The following RBFOX1 variants were observed in gnomAD, a reference collection of about 807,000 sequenced individuals.
The protein encoded by RBFOX1 is RNA binding fox-1 homolog 1.
Under a neutral mutation model 57.7 loss-of-function variants are expected in RBFOX1, and 8 were observed. The ratio of observed to expected loss-of-function variants is 0.14; its 90% CI spans 0.08 to 0.25. RBFOX1 has a LOEUF of 0.25. RBFOX1 is among the 10% of genes least tolerant of loss of function. The probability of loss-of-function intolerance (pLI) is 1.00; values close to 1 mark genes in which losing one functional copy is unlikely to be tolerated. For synonymous variants in RBFOX1, 326 were observed against 222.4 expected, an observed-to-expected ratio of 1.47 and a Z score of -4.15; for missense variants, 611 against 548.5, an observed-to-expected ratio of 1.11 and a Z score of -1.14.
At chr16:6,911,709 T>C (rs1313616277) in intron 3 of RBFOX1, among the ~76,000 whole-genome samples, 2 of 152,248 alleles carry the variant, frequency 1.3e-5, no homozygotes, top group Non-Finnish European at 2.9e-5. Flanking sequence ...TTACCTGCTA[T>C]TTAATAACAC....
intron 1 of RBFOX1, among the ~76,000 whole-genome samples, chr16:6,088,507 T>C (rs956673210): frequency 6.8e-6 from 1 of 147,812 alleles, no homozygotes; most frequent in African/African-American, 2.5e-5. Flanking sequence ...CTCCCTTCCT[T>C]CCTCCCCCTT....
At chr16:6,301,120 T>C (rs1389150822) in intron 1 of RBFOX1, among the ~76,000 whole-genome samples, 1 of 152,194 alleles carries the variant, frequency 6.6e-6, no homozygotes, top group Non-Finnish European at 1.5e-5. Context: ...CCTGGAAACT[T>C]TGGAATGTAG....
chr16:5,428,815 A>G (rs1597025995), intron 1 of RBFOX1, among the ~76,000 whole-genome samples: 2 of 151,996 alleles, frequency 1.3e-5, no homozygotes, highest in African/African-American at 4.8e-5. Context: ...TTTTTTGGGG[A>G]CTGTAGCTGA....
chr16:6,943,659 G>C (rs1021373907), intron 3 of RBFOX1, among the ~76,000 whole-genome samples: 1 of 149,494 alleles, frequency 6.7e-6, no homozygotes, highest in Non-Finnish European at 1.5e-5. Context: ...AGTGAGCCAA[G>C]ATTGCGTCAC....
intron 4 of RBFOX1, among the ~76,000 whole-genome samples, chr16:7,281,146 G>T (rs1036676912): frequency 6.6e-6 from 1 of 151,858 alleles, no homozygotes. Context: ...GGGATTACAG[G>T]TGTGTGCCAC....
intron 4 of RBFOX1, among the ~76,000 whole-genome samples, chr16:7,392,129 A>G (rs2098039707): frequency 6.6e-6 from 1 of 152,198 alleles, no homozygotes; most frequent in Non-Finnish European, 1.5e-5. Context: ...CAGATTCTGT[A>G]CACGCTTTTC....
At chr16:6,732,116 T>C (rs960178651) in intron 3 of RBFOX1, among the ~76,000 whole-genome samples, 1 of 152,218 alleles carries the variant, frequency 6.6e-6, no homozygotes, top group South Asian at 2.1e-4. Flanking sequence ...CCTTTGCATC[T>C]GATTCTTCTG....
At chr16:5,966,157 A>C (rs1425901579) in intron 4 of RBFOX1, among the ~76,000 whole-genome samples, 1 of 152,154 alleles carries the variant, frequency 6.6e-6, no homozygotes, top group Non-Finnish European at 1.5e-5. Context: ...TGCTCAATGA[A>C]TTTTCACAAG....
intron 3 of RBFOX1, among the ~76,000 whole-genome samples, chr16:5,713,217 T>C (rs1192658508): frequency 2.0e-5 from 3 of 152,206 alleles, no homozygotes; most frequent in African/African-American, 7.2e-5. Context: ...TAATTTCTTT[T>C]GTTACTCGAG....
At chr16:7,439,702 T>G (rs2098750903) in intron 4 of RBFOX1, among the ~76,000 whole-genome samples, 1 of 152,218 alleles carries the variant, frequency 6.6e-6, no homozygotes, top group Non-Finnish European at 1.5e-5. Flanking sequence ...GCTGTCTCAT[T>G]TGTGACTGTA....
chr16:7,439,971 A>ATTT (rs2098753641), intron 4 of RBFOX1, among the ~76,000 whole-genome samples: 1 of 94,602 alleles, frequency 1.1e-5, no homozygotes, highest in Non-Finnish European at 2.0e-5. Context: ...TTTTTTTTTG[A>ATTT]GACAGGGTCT....
intron 3 of RBFOX1, among the ~76,000 whole-genome samples, chr16:6,970,533 C>A (rs576928920): frequency 1.3e-5 from 2 of 152,080 alleles, no homozygotes; most frequent in African/African-American, 4.8e-5. Context: ...ATTCAGTGTC[C>A]GGTGAGGGCT....
intron 2 of RBFOX1, among the ~76,000 whole-genome samples, chr16:5,553,622 A>G (rs1013790335): frequency 6.6e-6 from 1 of 151,280 alleles, no homozygotes; most frequent in South Asian, 2.1e-4. Context: ...GCCATGTCTG[A>G]ATATTTTAAA....
intron 4 of RBFOX1, among the ~76,000 whole-genome samples, chr16:5,886,339 T>A (rs1448500517): frequency 1.3e-5 from 2 of 152,166 alleles, no homozygotes; most frequent in Admixed American, 1.3e-4. Flanking sequence ...TTAATACATG[T>A]GAAGTGCTTA....
chr16:6,953,477 C>G (rs1474330104), intron 3 of RBFOX1, among the ~76,000 whole-genome samples: 1 of 152,090 alleles, frequency 6.6e-6, no homozygotes, highest in Non-Finnish European at 1.5e-5. Flanking sequence ...CCTCCACCTC[C>G]TGGGTTCAAG....
chr16:5,384,280 G>C (rs1290542572), intron 1 of RBFOX1, among the ~76,000 whole-genome samples: 1 of 152,182 alleles, frequency 6.6e-6, no homozygotes, highest in African/African-American at 2.4e-5. Flanking sequence ...GAAAGTCAAG[G>C]CTTGTAGCAG....
chr16:7,394,779 T>C (rs73550756), intron 4 of RBFOX1, among the ~76,000 whole-genome samples: 1 of 152,172 alleles, frequency 6.6e-6, no homozygotes, highest in Non-Finnish European at 1.5e-5. Context: ...CACTCTTTTT[T>C]CCTGGTATAA....
chr16:7,186,323 A>G lies in RBFOX1; in HGVS notation c.27+134225A>G, dbSNP rs549051343. ...ACATAAACATATTTATATAAATATA[A>G]ACATAAACATATTTATATAAATATA... On this transcript the variant is annotated intron_variant, in intron 4 of 15. Coordinates refer to ENST00000550418, the MANE Select transcript of RBFOX1 (RefSeq NM_018723.4). Among the ~76,000 whole-genome samples, 90 of 75,708 alleles carry G rather than the reference A, an allele frequency of 1.2e-3. 1 individual carries two copies. The highest frequency in any genetic ancestry group is 2.3e-3 in the South Asian group (4 of 1,768). 49.7% of individuals were successfully genotyped at this position (75,708 alleles called of 152,430 possible).
intron 3 of RBFOX1, among the ~76,000 whole-genome samples, chr16:5,685,102 A>T (rs993119431): frequency 6.6e-5 from 10 of 152,196 alleles, no homozygotes; most frequent in African/African-American, 2.4e-4. Flanking sequence ...TGAAAAAAGG[A>T]GAAAAGAAGC....
Sources: allele counts gnomAD v4.1 joint callset (sites outside exome capture counted in the v4.1 genomes callset), GRCh38; gene constraint gnomAD v4.1.1; transcripts MANE v1.5; gene names NCBI Gene and HGNC (gene_info 2026-07-23, HGNC 2026-07-21).